Variants in COL5A2 observed in about 807,000 individuals in gnomAD.
COL5A2 encodes the protein collagen type V alpha 2 chain.
Under a neutral mutation model 208.2 loss-of-function variants are expected in COL5A2, and 23 were observed. The observed-to-expected ratio is 0.11, with a 90% CI of 0.08 to 0.16. COL5A2 has a LOEUF of 0.16. Among genes scored for constraint, COL5A2 ranks in the 10% least tolerant of loss-of-function variants. The pLI, the probability that COL5A2 is intolerant of heterozygous loss-of-function variation, is 1.00. For missense variants in COL5A2, 1,590 were observed against 1,956.4 expected, an observed-to-expected ratio of 0.81 and a Z score of 3.53; for synonymous variants, 625 against 628.5, an observed-to-expected ratio of 0.99 and a Z score of 0.08.
the COL5A2 span, among the ~76,000 whole-genome samples, chr2:189,336,590 A>G: frequency 6.6e-6 from 1 of 152,374 alleles, no homozygotes; most frequent in Non-Finnish European, 1.5e-5. Flanking sequence ...TCTTACATAT[A>G]TTTTGACTCA....
the COL5A2 span, among the ~76,000 whole-genome samples, chr2:189,417,802 T>TTG: frequency 1.1e-3 from 170 of 151,426 alleles, 3 homozygotes; most frequent in East Asian, 0.029. Flanking sequence ...TATTGTTCCA[T>TTG]TGTGTGTGTG....
At chr2:189,293,560 A>AG in the COL5A2 span, among the ~76,000 whole-genome samples, 1 of 152,156 alleles carries the variant, frequency 6.6e-6, no homozygotes, top group Non-Finnish European at 1.5e-5. Flanking sequence ...AGGAGGTGGA[A>AG]CCTTTAAGAG....
chr2:189,193,659 G>A (rs1688958732), intron 1 of COL5A2, among the ~76,000 whole-genome samples: 1 of 152,182 alleles, frequency 6.6e-6, no homozygotes, highest in Non-Finnish European at 1.5e-5. Flanking sequence ...TACACAAGTA[G>A]TGAGTAAATC....
intron 38 of COL5A2, 146 bp from the exon 39 acceptor site, chr2:189,053,164 T>C: frequency 2.6e-6 from 2 of 770,082 alleles, no homozygotes; most frequent in South Asian, 1.8e-5. Context: ...GGAAAAAAAG[T>C]ACTCTGATGA....
At chr2:189,332,624 GCCATC>G in the COL5A2 span, among the ~76,000 whole-genome samples, 2 of 152,136 alleles carry the variant, frequency 1.3e-5, no homozygotes, top group African/African-American at 4.8e-5. Context: ...TTTGCCTGCT[GCCATC>G]CATGTAAGAT....
intron 49 of COL5A2, among the ~76,000 whole-genome samples, 190 bp downstream of exon 49, chr2:189,042,530 A>G (rs1344521536): frequency 2.0e-5 from 3 of 152,204 alleles, no homozygotes; most frequent in Non-Finnish European, 4.4e-5. Context: ...ATGAGGTAAT[A>G]TATCATATTT....
chr2:189,045,059 TA>T lies in COL5A2; in HGVS notation c.3363+119del, dbSNP rs1685636344. On this transcript the variant is annotated intron_variant, in intron 47 of 53. Transcript: ENST00000374866. ...GAGTAAACTTATAATTTTTAATTAATATTTTTGTTCAAGCTTGAGGAATTTC... is the reference window on the plus strand; with the variant it reads ...GAGTAAACTTATAATTTTTAATTAATTTTTTGTTCAAGCTTGAGGAATTTC... 6 of 568,306 alleles carry T rather than the reference TA, an allele frequency of 1.1e-5. No homozygotes were observed. The Admixed American group carries it at 1.1e-4, about 10-fold the overall frequency. The allele number at this position is 568,306 out of a possible 1,614,324, so 35.2% of individuals were successfully genotyped here.
At chr2:189,241,099 A>G in the COL5A2 span, among the ~76,000 whole-genome samples, 3 of 152,266 alleles carry the variant, frequency 2.0e-5, 1 homozygote, top group South Asian at 4.1e-4. Context: ...ATAATGTTCA[A>G]TAGTGCCCTG....
upstream of COL5A2, among the ~76,000 whole-genome samples, chr2:189,182,760 C>T (rs981374219): frequency 1.1e-4 from 16 of 151,900 alleles, no homozygotes; most frequent in Admixed American, 1.0e-3. Flanking sequence ...TATAATCTTC[C>T]CTTTCTCCGA....
the COL5A2 span, among the ~76,000 whole-genome samples, chr2:189,376,990 G>A: frequency 1.3e-5 from 2 of 152,056 alleles, no homozygotes. Context: ...TACCAATTAC[G>A]TGCATGAGTG....
At chr2:189,169,464 C>T (rs1423870165) in intron 1 of COL5A2, among the ~76,000 whole-genome samples, 1 of 152,034 alleles carries the variant, frequency 6.6e-6, no homozygotes, top group Non-Finnish European at 1.5e-5. Context: ...GGAAATAATA[C>T]AATATGGCCT....
the COL5A2 span, among the ~76,000 whole-genome samples, chr2:189,284,143 GT>G: frequency 2.0e-5 from 3 of 152,002 alleles, no homozygotes; most frequent in Non-Finnish European, 2.9e-5. Flanking sequence ...GATATTTATA[GT>G]TTTTTCAAAG....
At chr2:189,226,464 C>T (rs1689420851), upstream of COL5A2, among the ~76,000 whole-genome samples, 2 of 152,092 alleles carry the variant, frequency 1.3e-5, no homozygotes, top group Non-Finnish European at 2.9e-5. Flanking sequence ...ATTTTTGTCA[C>T]CCTCTCACCA....
the COL5A2 span, among the ~76,000 whole-genome samples, chr2:189,383,678 A>G: frequency 6.6e-6 from 1 of 152,158 alleles, no homozygotes; most frequent in African/African-American, 2.4e-5. Flanking sequence ...GTTTTTAATA[A>G]TAAGCATACA....
the COL5A2 span, among the ~76,000 whole-genome samples, chr2:189,239,910 C>T: frequency 6.6e-6 from 1 of 152,114 alleles, no homozygotes. Context: ...CCTGCTCATA[C>T]TTTGATTTTA....
chr2:189,423,330 T>G, the COL5A2 span, among the ~76,000 whole-genome samples: 1 of 150,684 alleles, frequency 6.6e-6, no homozygotes, highest in Non-Finnish European at 1.5e-5. Flanking sequence ...CTTAAGGAAC[T>G]AAAAAAATAG....
the COL5A2 span, among the ~76,000 whole-genome samples, chr2:189,406,267 G>A: frequency 6.6e-6 from 1 of 152,000 alleles, no homozygotes; most frequent in African/African-American, 2.4e-5. Context: ...TGAAATTGAT[G>A]CTTTTAAAAT....
upstream of COL5A2, among the ~76,000 whole-genome samples, chr2:189,182,844 T>A (rs1188860384): frequency 6.6e-6 from 1 of 152,164 alleles, no homozygotes; most frequent in Non-Finnish European, 1.5e-5. Flanking sequence ...CTCAGCGCCC[T>A]TTCAGGGATG....
intron 1 of COL5A2, among the ~76,000 whole-genome samples, chr2:189,115,383 T>A (rs1439349684): frequency 6.6e-6 from 1 of 150,618 alleles, no homozygotes; most frequent in African/African-American, 2.5e-5. Context: ...ATCCACATTT[T>A]TTCACACAAT....
Sources: allele counts gnomAD v4.1 joint callset (sites outside exome capture counted in the v4.1 genomes callset), GRCh38; gene constraint gnomAD v4.1.1; transcripts MANE v1.5; gene names NCBI Gene and HGNC (gene_info 2026-07-23, HGNC 2026-07-21).